Variants in OVOL3 observed in about 807,000 individuals in gnomAD.
The protein encoded by OVOL3 is putative transcription factor ovo-like protein 3.
In OVOL3, 15 loss-of-function variants were observed where a neutral mutation model predicts 13.6. The ratio of observed to expected loss-of-function variants is 1.11; its 90% CI spans 0.74 to 1.70. The LOEUF (loss-of-function observed/expected upper bound fraction) is 1.70. Among genes scored for constraint, OVOL3 ranks in the 40% most tolerant of loss-of-function variants. The probability of loss-of-function intolerance (pLI) is 0.00; values close to 1 mark genes in which losing one functional copy is unlikely to be tolerated. For synonymous variants in OVOL3, 102 were observed against 108.5 expected (o/e 0.94, Z 0.37); for missense variants, 290 against 280.6 (o/e 1.03, Z -0.24).
At position 36,112,841 on chromosome 19, in the gene OVOL3, C is replaced by T. The variant is rs929718491; in HGVS notation, c.241C>T (p.Leu81=). 4 of 1,535,962 alleles carry T rather than the reference C, an allele frequency of 2.6e-6. No homozygotes were observed. In the African/African-American group the frequency reaches 5.5e-5, roughly 21 times the overall value. Residue 81 remains leucine (L), a synonymous_variant, in exon 3 of 4, where the codon CTG becomes TTG. Coordinates refer to ENST00000633214, the MANE Select transcript of OVOL3 (RefSeq NM_001302757.2). ...GCPLCPKAFP[L]QRMLTRHLKC... is the part of the protein sequence containing the mutation. ...CCCGCTCTGCCCTAAGGCCTTCCCTCTGCAGCGCATGCTGACAAGGCACCT... is the reference window on the plus strand; with the variant it reads ...CCCGCTCTGCCCTAAGGCCTTCCCTTTGCAGCGCATGCTGACAAGGCACCT...
Position 36,111,616 on chromosome 19 carries a change from G to A in OVOL3, c.159+183G>A, listed in dbSNP as rs751803932. On this transcript the variant is annotated intron_variant, in intron 2 of 3. Transcript: ENST00000633214. ...CTTTCCTAGTAGTGAGCTCTCTACT[G>A]TTAGGTCTCACCCCAGGCACCAGGG... The A allele has an allele frequency of 1.2e-4, 85 of 727,416 alleles. 1 individual carries two copies. Among genetic ancestry groups the A allele is most frequent in the South Asian group, 1.1e-3 (76 of 67,434 alleles). The allele number at this position is 727,416 out of a possible 1,614,324, so 45.1% of individuals were successfully genotyped here.
intron 2 of OVOL3, chr19:36,111,758 T>G: frequency 1.9e-6 from 1 of 532,898 alleles, no homozygotes; most frequent in Non-Finnish European, 3.6e-6. Context: ...AGATAAGGGC[T>G]TTTTCAGCTG....
At chr19:36,112,091 C>T (rs1229786098) in intron 2 of OVOL3, among the ~76,000 whole-genome samples, 1 of 151,934 alleles carries the variant, frequency 6.6e-6, no homozygotes, top group East Asian at 1.9e-4. Flanking sequence ...ATCCCAGCTC[C>T]TCAGGAGGCT....
rs376818950 is a variant in OVOL3 at position 36,112,902 on chromosome 19, G to A, written c.302G>A (p.Arg101His). 229 of 1,536,218 alleles carry A rather than the reference G, an allele frequency of 1.5e-4. No individual in the cohort carries two copies. The Middle Eastern group carries it at 1.8e-3, about 12-fold the overall frequency. The change falls in exon 3 of 4, where the codon CGC (arginine) becomes CAC (histidine). Residue 101 changes from arginine to histidine, a missense_variant. Physicochemically the swap from Arg to His is conservative, Grantham distance 29. Transcript: ENST00000633214. Reference protein sequence around the residue: ...CHSPVRRHLCRCCGKGFHDAF... With the variant: ...CHSPVRRHLCHCCGKGFHDAF... ...AGCCCCGTGCGCCGCCACCTGTGCC[G>A]CTGTTGTGGCAAGGGCTTTCATGAC...
At position 36,112,963 on chromosome 19, in the gene OVOL3, T is replaced by C. The variant is rs963521289; in HGVS notation, c.363T>C (p.Thr121=). Residue 121 remains threonine (T), a splice_region_variant and synonymous_variant, in exon 3 of 4, where the codon ACT becomes ACC. Coordinates refer to ENST00000633214, the MANE Select transcript of OVOL3 (RefSeq NM_001302757.2). The part of the protein sequence containing the change: ...FDLKRHMRTH[T]GIRPFRCSAC... Reference sequence around the variant, plus strand: ...TCAAGCGCCACATGAGGACTCACACTGGTGAGCAGTGGCAGGGACAGGGAA... The same window carrying C: ...TCAAGCGCCACATGAGGACTCACACCGGTGAGCAGTGGCAGGGACAGGGAA... 2 of 1,535,388 alleles carry C rather than the reference T, an allele frequency of 1.3e-6. No homozygotes were observed. The highest frequency in any genetic ancestry group is 1.7e-6 in the Non-Finnish European group (2 of 1,146,188).
At chr19:36,113,356 C>G in intron 3 of OVOL3, 97 bp from the exon 4 acceptor site, 1 of 1,249,878 alleles carries the variant, frequency 8.0e-7, no homozygotes, top group Non-Finnish European at 1.1e-6. Flanking sequence ...GAATAGGTAC[C>G]AGAAATGCTC....
chr19:36,112,485 A>G (rs1377057472), intron 2 of OVOL3, among the ~76,000 whole-genome samples: 1 of 150,656 alleles, frequency 6.6e-6, no homozygotes, highest in African/African-American at 2.4e-5. Context: ...ATACCACTTC[A>G]CTCCTGCCTG....
At chr19:36,111,778 T>G in intron 2 of OVOL3, 1 of 506,566 alleles carries the variant, frequency 2.0e-6, no homozygotes, top group African/African-American at 1.9e-5. Flanking sequence ...GTGCATGCAT[T>G]GGAGGAAGGA....
rs1973803601 is a variant in OVOL3 at position 36,111,148 on chromosome 19, G to A, written c.-55G>A. 3.5e-6 allele frequency: 5 copies of A among 1,411,858 alleles called. No individual in the cohort carries two copies. The East Asian group carries it at 7.5e-5, about 21-fold the overall frequency. The allele number at this position is 1,411,858 out of a possible 1,614,324, so 87.5% of individuals were successfully genotyped here. A position where few individuals can be genotyped will look rare whatever the true frequency, so the allele number is the denominator to read the frequency against. ...CACCAGGGATAGTCATCCTGGGGCT[G>A]AGGTCTGACAGCAGGTGGAAGCAGC... On this transcript the variant is annotated 5_prime_UTR_variant, in exon 1 of 4. Transcript: ENST00000633214.
chr19:36,111,783 G>A (rs772882765), intron 2 of OVOL3: 6 of 502,596 alleles, frequency 1.2e-5, no homozygotes, highest in South Asian at 7.7e-5. Flanking sequence ...TGCATTGGAG[G>A]AAGGAAAGCG....
chr19:36,113,646 G>A lies in OVOL3; in HGVS notation c.558G>A (p.Leu186=), dbSNP rs1466233588. 6.5e-7 allele frequency: 1 copy of A among 1,548,438 alleles called. No homozygotes were observed. The highest frequency in any genetic ancestry group is 2.0e-5 in the Admixed American group (1 of 50,984). Residue 186 remains leucine, a synonymous_variant, in exon 4 of 4, where the codon CTG becomes CTA. Coordinates refer to ENST00000633214, the MANE Select transcript of OVOL3 (RefSeq NM_001302757.2). ...RPDTYAQHRA[L]HRAA Reference sequence around the variant, plus strand: ...ACACCTACGCACAGCACCGCGCCCTGCACCGCGCAGCCTGATACGGTGTGC... The same window carrying A: ...ACACCTACGCACAGCACCGCGCCCTACACCGCGCAGCCTGATACGGTGTGC...
At chr19:36,112,649 C>T (rs1669007885) in intron 2 of OVOL3, 111 bp from the exon 3 acceptor site, 12 of 988,106 alleles carry the variant, frequency 1.2e-5, no homozygotes, top group Non-Finnish European at 1.8e-5. Flanking sequence ...TCCCACCTGC[C>T]TTCCTAATCC....
chr19:36,112,711 G>A (rs1973851995), intron 2 of OVOL3, 49 bp from the exon 3 acceptor site: 2 of 1,462,486 alleles, frequency 1.4e-6, no homozygotes, highest in Admixed American at 2.0e-5. Context: ...AGTAACAAAG[G>A]GTGGATGGGG....
intron 2 of OVOL3, 124 bp downstream of exon 2, chr19:36,111,557 C>G (rs2145899856): frequency 1.1e-6 from 1 of 940,660 alleles, no homozygotes. Context: ...CGGGACCTGT[C>G]CGCCCCTACT....
Position 36,111,208 on chromosome 19 carries a change from C to CCG in OVOL3, c.10_11dup (p.Phe5ProfsTer57). 1 of 1,533,770 alleles carries CCG rather than the reference C, an allele frequency of 6.5e-7. No homozygotes were observed. The highest frequency in any genetic ancestry group is 8.7e-7 in the Non-Finnish European group (1 of 1,146,002). On this transcript the variant is annotated frameshift_variant, in exon 1 of 4. Transcript: ENST00000633214. LOFTEE classifies it high-confidence loss of function. The stretch of plus-strand genomic sequence containing the variant: ...TGGAGAGCCTTCCGGAGGGCATGCC[C>CCG]CGCGCCTTCCTGGTCAGGAGTCGGC...
chr19:36,113,286 G>A (rs1360362513), intron 3 of OVOL3, among the ~76,000 whole-genome samples, 167 bp from the exon 4 acceptor site: 1 of 152,196 alleles, frequency 6.6e-6, no homozygotes, highest in Non-Finnish European at 1.5e-5. Context: ...TCTGGCCCAT[G>A]TCTGCACTGG....
At chr19:36,112,706 C>T in intron 2 of OVOL3, 54 bp from the exon 3 acceptor site, 4 of 1,453,762 alleles carry the variant, frequency 2.8e-6, no homozygotes, top group East Asian at 5.0e-5. Flanking sequence ...TGCAGAGTAA[C>T]AAAGGGTGGA....
intron 2 of OVOL3, chr19:36,111,932 T>C: frequency 2.3e-6 from 1 of 440,798 alleles, no homozygotes; most frequent in Non-Finnish European, 4.6e-6. Flanking sequence ...GACAATAAAA[T>C]TAGTCAGCCT....
At chr19:36,113,320 A>C in intron 3 of OVOL3, 133 bp from the exon 4 acceptor site, 1 of 936,766 alleles carries the variant, frequency 1.1e-6, no homozygotes, top group Non-Finnish European at 1.6e-6. Flanking sequence ...ATGGTGGGTC[A>C]TGGGCGGAAG....
Sources: gnomAD v4.1 joint callset for allele counts (sites outside exome capture counted in the v4.1 genomes callset) on GRCh38, gnomAD v4.1.1 for gene constraint, MANE v1.5 for transcripts, NCBI Gene and HGNC (gene_info 2026-07-23, HGNC 2026-07-21) for gene names.